RYR3: variants seen among roughly 807,000 people sequenced by gnomAD.
The protein encoded by RYR3 is brain ryanodine receptor-calcium release channel.
RYR3 carries 207 observed loss-of-function variants against 584.3 expected under a neutral mutation model. That is an observed-to-expected ratio of 0.35 (90% CI 0.32 to 0.40). The LOEUF is 0.40. RYR3 is among the 10% of genes least tolerant of loss of function. The pLI, the probability that RYR3 is intolerant of heterozygous loss-of-function variation, is 1.00. For missense variants in RYR3, 5,616 were observed against 6,089.2 expected, an observed-to-expected ratio of 0.92 and a Z score of 2.59; for synonymous variants, 2,416 against 2,248.5, an observed-to-expected ratio of 1.07 and a Z score of -2.11.
At chr15:33,648,815 A>G (rs2062263074) in intron 30 of RYR3, among the ~76,000 whole-genome samples, 1 of 152,222 alleles carries the variant, frequency 6.6e-6, no homozygotes, top group Non-Finnish European at 1.5e-5. Flanking sequence ...TCTTCTGGGC[A>G]AAGGGTGGTA....
At chr15:33,792,084 C>A (rs2075195414) in intron 67 of RYR3, among the ~76,000 whole-genome samples, 1 of 152,090 alleles carries the variant, frequency 6.6e-6, no homozygotes, top group Non-Finnish European at 1.5e-5. Flanking sequence ...ATCATAAACA[C>A]ATATATTGAA....
At chr15:33,737,920 CTG>C (rs553485371) in intron 49 of RYR3, among the ~76,000 whole-genome samples, 1 of 152,142 alleles carries the variant, frequency 6.6e-6, no homozygotes, top group Admixed American at 6.5e-5. Context: ...TGTAAAGTCA[CTG>C]GGGTGTGAGA....
intron 38 of RYR3, among the ~76,000 whole-genome samples, chr15:33,675,263 G>A (rs62012574): frequency 0.2 from 29,673 of 152,168 alleles, 3,488 homozygotes; most frequent in Non-Finnish European, 0.26. Context: ...ATATTACCTC[G>A]TTTAATTCTC....
chr15:33,585,912 G>A (rs2058825727), intron 15 of RYR3, 86 bp from the exon 16 acceptor site: 1 of 760,722 alleles, frequency 1.3e-6, no homozygotes, highest in Non-Finnish European at 2.4e-6. Context: ...CCCTCAGGAA[G>A]GACTGTTCAT....
chr15:33,644,334 G>C lies in RYR3; in HGVS notation c.3580G>C (p.Gly1194Arg). 1 of 1,612,122 alleles carries C rather than the reference G, an allele frequency of 6.2e-7. No individual in the cohort carries two copies. The change falls in exon 28 of 104, where the codon GGT becomes CGT. Residue 1194 changes from glycine to arginine, a missense_variant. Around this residue, in one of 9 missense-constraint regions of RYR3, gnomAD observed 152 missense variants for 200.9 expected, o/e 0.76. Transcript: ENST00000634891. Reference protein sequence around the residue: ...ENGFVPICCLGLSQIGRMNLG... With the variant: ...ENGFVPICCLRLSQIGRMNLG... ...AGGCTTCGTGCCCATCTGCTGTCTG[G>C]GTCTATCTCAGATCGGCCGCATGAA...
chr15:33,683,056 G>A (rs577478576), intron 38 of RYR3, among the ~76,000 whole-genome samples: 36 of 151,474 alleles, frequency 2.4e-4, no homozygotes, highest in Admixed American at 1.3e-4. Context: ...GTGCAGTGGC[G>A]CGATCTTGGC....
chr15:33,558,172 T>G (rs1028661865), intron 10 of RYR3, among the ~76,000 whole-genome samples: 1 of 152,168 alleles, frequency 6.6e-6, no homozygotes, highest in Admixed American at 6.5e-5. Flanking sequence ...ATGTATACAC[T>G]TGCTATGTTG....
intron 1 of RYR3, among the ~76,000 whole-genome samples, chr15:33,333,355 G>A (rs1399688221): frequency 4.6e-5 from 7 of 151,276 alleles, no homozygotes; most frequent in Admixed American, 4.6e-4. Context: ...TCAAAAATCA[G>A]GTAGGCATCA....
intron 3 of RYR3, among the ~76,000 whole-genome samples, chr15:33,525,943 A>G (rs1382068592): frequency 1.3e-5 from 2 of 152,200 alleles, no homozygotes; most frequent in African/African-American, 2.4e-5. Context: ...GTGCACATCC[A>G]TGCTTGGAAA....
chr15:33,465,626 C>T (rs545245548), intron 1 of RYR3: 13 of 481,200 alleles, frequency 2.7e-5, no homozygotes, highest in Middle Eastern at 4.0e-4. Flanking sequence ...GCTTTCAAGT[C>T]GTGAAATGAT....
At chr15:33,387,161 T>G (rs1410716335) in intron 1 of RYR3, among the ~76,000 whole-genome samples, 1 of 152,192 alleles carries the variant, frequency 6.6e-6, no homozygotes, top group African/African-American at 2.4e-5. Context: ...CCAGCAATAT[T>G]TTTTCCTTTT....
intron 1 of RYR3, among the ~76,000 whole-genome samples, chr15:33,451,069 CT>C (rs1366553327): frequency 6.6e-6 from 1 of 152,206 alleles, no homozygotes; most frequent in African/African-American, 2.4e-5. Context: ...ATCTCTACCA[CT>C]GTGTAGCTTT....
intron 1 of RYR3, among the ~76,000 whole-genome samples, chr15:33,314,951 ACAAC>A (rs962052586): frequency 6.7e-6 from 1 of 150,082 alleles, no homozygotes; most frequent in African/African-American, 2.5e-5. Flanking sequence ...CCAAAAAAAA[ACAAC>A]AACAACAAAA....
intron 62 of RYR3, among the ~76,000 whole-genome samples, chr15:33,770,589 A>C (rs2073488698): frequency 6.6e-6 from 1 of 152,132 alleles, no homozygotes; most frequent in African/African-American, 2.4e-5. Flanking sequence ...TCTCTACAAA[A>C]AATTTTAAAA....
chr15:33,850,824 C>G (rs1487778202), intron 94 of RYR3: 1 of 152,168 alleles, frequency 6.6e-6, no homozygotes, highest in Non-Finnish European at 1.5e-5. Context: ...CAACCCACAG[C>G]TATCTACATT....
chr15:33,848,824 C>CTAT (rs1567314183), intron 94 of RYR3, among the ~76,000 whole-genome samples: 1 of 111,212 alleles, frequency 9.0e-6, no homozygotes, highest in Non-Finnish European at 1.8e-5. Context: ...CTCTGAAGTC[C>CTAT]TCTTTTTTTT....
chr15:33,331,883 G>T (rs1478891147), intron 1 of RYR3, among the ~76,000 whole-genome samples: 1 of 151,978 alleles, frequency 6.6e-6, no homozygotes, highest in African/African-American at 2.4e-5. Context: ...GATAATAATT[G>T]CATGTAAATA....
intron 3 of RYR3, among the ~76,000 whole-genome samples, chr15:33,523,294 G>C (rs1206183608): frequency 6.6e-6 from 1 of 152,188 alleles, no homozygotes; most frequent in Non-Finnish European, 1.5e-5. Flanking sequence ...CGCAGTGGAA[G>C]CTTTGGTCTT....
rs1305546928 is a variant in RYR3 at position 33,660,347 on chromosome 15, AGCGAGCGCCACGGCTGGGT to A, written c.4548_4566del (p.Ser1516ArgfsTer10). 3.8e-6 allele frequency: 6 copies of A among 1,592,630 alleles called. No individual in the cohort carries two copies. Among genetic ancestry groups the A allele is most frequent in the Non-Finnish European group, 5.1e-6 (6 of 1,169,982 alleles). On this transcript the variant is annotated frameshift_variant, in exon 34 of 104. Transcript: ENST00000634891. LOFTEE classifies it high-confidence loss of function. ...CCTGAAGGTGGAGACCGAGCGTGTG[AGCGAGCGCCACGGCTGGGT>A]GGTGCAGTGCCTGGAGCCCCTGCAG...
Sources: allele counts gnomAD v4.1 joint callset (sites outside exome capture counted in the v4.1 genomes callset), GRCh38; gene constraint gnomAD v4.1.1; regional missense constraint gnomAD v4.1.1; transcripts MANE v1.5; gene names NCBI Gene and HGNC (gene_info 2026-07-23, HGNC 2026-07-21).